The following ZNF81 variants were observed in gnomAD, a reference collection of about 807,000 sequenced individuals.
The protein encoded by ZNF81 is zinc finger protein 81.
In ZNF81, 5 loss-of-function variants were observed where a neutral mutation model predicts 32.3. The ratio of observed to expected loss-of-function variants is 0.15; its 90% CI spans 0.08 to 0.33. The LOEUF is 0.33. Ranked by LOEUF, ZNF81 falls within the 10% of genes least tolerant of loss-of-function variation. The pLI is 1.00. For missense variants in ZNF81, 379 were observed against 479.8 expected (o/e 0.79, Z 1.96); for synonymous variants, 163 against 166.8 (o/e 0.98, Z 0.17).
intron 1 of ZNF81, chrX:47,841,328 G>A (rs2058448300): frequency 1.6e-6 from 1 of 636,592 alleles, no homozygotes; most frequent in Admixed American, 2.2e-5. Context: ...TTTAGGTTCT[G>A]GGAGGTAACT....
intron 3 of ZNF81, among the ~76,000 whole-genome samples, chrX:47,892,603 C>T (rs1179716155): frequency 1.8e-5 from 2 of 112,093 alleles, no homozygotes; most frequent in African/African-American, 3.2e-5. Context: ...CTGTTAGAGC[C>T]CTTTCTAACC....
intron 3 of ZNF81, 41 bp from the exon 4 acceptor site, chrX:47,895,804 C>T: frequency 4.9e-6 from 5 of 1,027,590 alleles, no homozygotes; most frequent in Non-Finnish European, 6.8e-6. Flanking sequence ...AAATGGAAAG[C>T]AATTTGCTGG....
intron 2 of ZNF81, among the ~76,000 whole-genome samples, chrX:47,878,900 G>A (rs1055877130): frequency 9.0e-6 from 1 of 111,591 alleles, no homozygotes; most frequent in African/African-American, 3.3e-5. Context: ...CCTTCCTCAA[G>A]GCTCTAAGGA....
At chrX:47,879,129 C>G (rs954761149) in intron 2 of ZNF81, among the ~76,000 whole-genome samples, 4 of 111,907 alleles carry the variant, frequency 3.6e-5, no homozygotes, top group Non-Finnish European at 7.5e-5. Flanking sequence ...TATTTTAGGT[C>G]TGCTGATTTA....
At chrX:47,904,266 T>C (rs2058711259) in intron 4 of ZNF81, among the ~76,000 whole-genome samples, 1 of 109,327 alleles carries the variant, frequency 9.1e-6, no homozygotes, top group Non-Finnish European at 1.9e-5. Flanking sequence ...CTACCATGAG[T>C]GAACAGGCAA....
At chrX:47,898,766 G>A (rs2058688444) in intron 4 of ZNF81, among the ~76,000 whole-genome samples, 1 of 111,864 alleles carries the variant, frequency 8.9e-6, no homozygotes, top group Non-Finnish European at 1.9e-5. Flanking sequence ...ATAGTTTTCA[G>A]CATAGAGGTC....
At chrX:47,890,659 C>T (rs2058659189) in intron 3 of ZNF81, among the ~76,000 whole-genome samples, 1 of 111,948 alleles carries the variant, frequency 8.9e-6, no homozygotes, top group Non-Finnish European at 1.9e-5. Flanking sequence ...GTAGAGTCTT[C>T]TCTTGTTCTG....
intron 3 of ZNF81, among the ~76,000 whole-genome samples, chrX:47,892,786 G>T: frequency 8.9e-6 from 1 of 112,573 alleles, no homozygotes; most frequent in Admixed American, 9.3e-5. Flanking sequence ...CCGTTCTTTT[G>T]GTGTACACAC....
At chrX:47,909,675 G>A (rs2058732633) in intron 4 of ZNF81, among the ~76,000 whole-genome samples, 1 of 106,242 alleles carries the variant, frequency 9.4e-6, no homozygotes, top group Non-Finnish European at 1.9e-5. Context: ...AGTTACATAT[G>A]TATACATGTG....
chrX:47,877,438 G>A (rs1480062528), intron 2 of ZNF81, among the ~76,000 whole-genome samples: 1 of 111,978 alleles, frequency 8.9e-6, no homozygotes, highest in Non-Finnish European at 1.9e-5. Context: ...GTGAGAGAAC[G>A]CGGTGCCATG....
At chrX:47,839,651 G>T (rs1276224915) in intron 1 of ZNF81, among the ~76,000 whole-genome samples, 1 of 111,852 alleles carries the variant, frequency 8.9e-6, no homozygotes, top group African/African-American at 3.3e-5. Flanking sequence ...AAAAAAAACT[G>T]AAATCTGAAA....
chrX:47,907,748 A>G (rs2058725720), intron 4 of ZNF81, among the ~76,000 whole-genome samples: 1 of 112,240 alleles, frequency 8.9e-6, no homozygotes, highest in Admixed American at 9.5e-5. Flanking sequence ...AAAGGATACT[A>G]AGAAAATATT....
intron 2 of ZNF81, among the ~76,000 whole-genome samples, chrX:47,848,143 C>A (rs782669436): frequency 1.7e-4 from 19 of 110,992 alleles, no homozygotes; most frequent in African/African-American, 5.9e-4. Flanking sequence ...TCTCGATCTC[C>A]TGACCTCGTG....
At position 47,921,219 on chromosome X, in the gene ZNF81, T is replaced by C. The variant is rs1264873198; in HGVS notation, c.*4587T>C. On this transcript the variant is annotated 3_prime_UTR_variant, in exon 5 of 5. Coordinates refer to ENST00000338637, the MANE Select transcript of ZNF81 (RefSeq NM_007137.5). ...TTCAACCCCTGCAACTGAGCTTGGC[T>C]ATTTTGTTGGCCAATGGGACATTAA... 22 of 110,723 alleles carry C rather than the reference T, an allele frequency of 2.0e-4. No individual in the cohort carries two copies. The Admixed American group carries it at 2.1e-3, about 11-fold the overall frequency. The allele number at this position is 110,723 out of a possible 1,213,427, so 9.1% of individuals were successfully genotyped here. A position where few individuals can be genotyped will look rare whatever the true frequency, so the allele number is the denominator to read the frequency against.
intron 3 of ZNF81, among the ~76,000 whole-genome samples, chrX:47,894,774 C>T (rs1556886939): frequency 2.7e-5 from 3 of 111,264 alleles, no homozygotes; most frequent in Non-Finnish European, 3.8e-5. Context: ...AGACTTGGGT[C>T]CCATTATCTC....
At chrX:47,899,935 G>T (rs2058692753) in intron 4 of ZNF81, among the ~76,000 whole-genome samples, 1 of 111,166 alleles carries the variant, frequency 9.0e-6, no homozygotes, top group South Asian at 3.7e-4. Context: ...AATGTTTTGT[G>T]TGTCCCTGCA....
chrX:47,885,646 G>T (rs1160837763), intron 2 of ZNF81, among the ~76,000 whole-genome samples: 2 of 111,682 alleles, frequency 1.8e-5, no homozygotes, highest in African/African-American at 6.5e-5. Context: ...CTCCAGAGGG[G>T]GTGAATTCTG....
In ZNF81 at chrX:47,877,877, C is replaced by T. The variant is rs111633310; in HGVS notation, c.55-10122C>T. The stretch of plus-strand genomic sequence containing the variant: ...ATTTCCTAGCATTATAGATCCAATA[C>T]GGGGCAGTAAGAGCCCAATGCTAGT... On this transcript the variant is annotated intron_variant, in intron 2 of 4. Transcript: ENST00000338637. Among the ~76,000 whole-genome samples the T allele has an allele frequency of 2.9e-3, 327 of 111,753 alleles. 1 individual carries two copies. The highest frequency in any genetic ancestry group is 9.9e-3 in the African/African-American group (305 of 30,753).
Position 47,921,278 on chromosome X carries a change from C to T in ZNF81, c.*4646C>T. ...ATACAAGCAGAGGCTTGAGAAGTGC[C>T]TGCACAATGAGGCTTGCCCACTTTT... On this transcript the variant is annotated 3_prime_UTR_variant, in exon 5 of 5. Transcript: ENST00000338637. The T allele has an allele frequency of 9.0e-6, 1 of 110,634 alleles. No homozygotes were observed. The highest frequency in any genetic ancestry group is 1.9e-5 in the Non-Finnish European group (1 of 53,004). The allele number at this position is 110,634 out of a possible 1,213,427, so 9.1% of individuals were successfully genotyped here.
Sources: allele counts gnomAD v4.1 joint callset (sites outside exome capture counted in the v4.1 genomes callset), GRCh38; gene constraint gnomAD v4.1.1; transcripts MANE v1.5; gene names NCBI Gene and HGNC (gene_info 2026-07-23, HGNC 2026-07-21).